Variants in SORCS2 observed in about 807,000 individuals in gnomAD.
The protein encoded by SORCS2 is sortilin related VPS10 domain containing receptor 2, also known as VPS10 domain-containing receptor SorCS2.
A neutral mutation model predicts 141.6 loss-of-function variants in SORCS2; 100 were observed. The ratio of observed to expected loss-of-function variants is 0.71; its 90% CI spans 0.60 to 0.83. The LOEUF (loss-of-function observed/expected upper bound fraction) is 0.83. SORCS2 is among the 40% of genes least tolerant of loss of function. SORCS2 has a pLI of 0.00. For missense variants in SORCS2, 1,646 were observed against 1,560.2 expected (o/e 1.05, Z -0.93); for synonymous variants, 789 against 676.9 (o/e 1.17, Z -2.57).
intron 1 of SORCS2, among the ~76,000 whole-genome samples, chr4:7,214,709 A>G (rs1454810113): frequency 2.0e-5 from 3 of 152,238 alleles, no homozygotes; most frequent in Non-Finnish European, 4.4e-5. Flanking sequence ...TTGTAGAGAC[A>G]GCACATTCCG....
intron 1 of SORCS2, among the ~76,000 whole-genome samples, chr4:7,299,792 A>G (rs1054837226): frequency 1.3e-5 from 2 of 152,098 alleles, no homozygotes; most frequent in African/African-American, 4.8e-5. Flanking sequence ...TGGGACTTCA[A>G]GCTCTGCAAC....
chr4:7,421,216 C>T (rs1726022858), intron 2 of SORCS2, among the ~76,000 whole-genome samples: 1 of 152,226 alleles, frequency 6.6e-6, no homozygotes, highest in African/African-American at 2.4e-5. Context: ...GGGGCACCCA[C>T]CTGGGTCATC....
At chr4:7,615,719 T>C (rs570246188) in intron 3 of SORCS2, among the ~76,000 whole-genome samples, 2 of 152,248 alleles carry the variant, frequency 1.3e-5, no homozygotes, top group Admixed American at 1.3e-4. Flanking sequence ...ACTAGGTGGC[T>C]CCTCTGTGCT....
At chr4:7,339,485 C>T (rs1371787735) in intron 1 of SORCS2, among the ~76,000 whole-genome samples, 1 of 152,216 alleles carries the variant, frequency 6.6e-6, no homozygotes, top group Admixed American at 6.5e-5. Flanking sequence ...GCAACTGTCC[C>T]AGGCTGCTCT....
intron 3 of SORCS2, among the ~76,000 whole-genome samples, chr4:7,533,159 G>A (rs966229921): frequency 6.6e-6 from 1 of 152,204 alleles, no homozygotes; most frequent in African/African-American, 2.4e-5. Context: ...ACACCTGGTG[G>A]TGCAGGGGGC....
intron 3 of SORCS2, among the ~76,000 whole-genome samples, chr4:7,626,556 T>C (rs936620017): frequency 6.6e-6 from 1 of 152,252 alleles, no homozygotes; most frequent in Non-Finnish European, 1.5e-5. Flanking sequence ...TTCCTACATA[T>C]GTACATCTCT....
chr4:7,657,896 G>C (rs1409125965), intron 5 of SORCS2, among the ~76,000 whole-genome samples: 1 of 152,080 alleles, frequency 6.6e-6, no homozygotes, highest in African/African-American at 2.4e-5. Context: ...ATGAGTGAGT[G>C]AGTGAATGAG....
At chr4:7,737,782 A>C (rs914015757) in intron 26 of SORCS2, among the ~76,000 whole-genome samples, 1 of 152,170 alleles carries the variant, frequency 6.6e-6, no homozygotes, top group Non-Finnish European at 1.5e-5. Context: ...CTGGGAGCTG[A>C]CTGGGCTCAG....
At chr4:7,312,560 T>G (rs1243566162) in intron 1 of SORCS2, among the ~76,000 whole-genome samples, 1 of 152,218 alleles carries the variant, frequency 6.6e-6, no homozygotes, top group African/African-American at 2.4e-5. Context: ...GTCTCTCAGT[T>G]TCTAGCCTGG....
In SORCS2 at chr4:7,201,785, C is replaced by T. The variant is rs1727495902; in HGVS notation, c.480+8659C>T. On this transcript the variant is annotated intron_variant, in intron 1 of 26. Coordinates refer to ENST00000507866, the MANE Select transcript of SORCS2 (RefSeq NM_020777.3). This position sits in a 1 kb window ranked among gnomAD's most constrained non-coding sequence, Gnocchi z 4.4. Reference sequence around the variant, plus strand: ...CCTTAGTCGCTAGTTTGGGTGGGTGCTCTGTGGATTGCAGGGATGCCGATG... The same window carrying T: ...CCTTAGTCGCTAGTTTGGGTGGGTGTTCTGTGGATTGCAGGGATGCCGATG... 1.3e-5 allele frequency among the ~76,000 whole-genome samples: 2 copies of T among 152,106 alleles called. No homozygotes were observed. Among genetic ancestry groups the T allele is most frequent in the African/African-American group, 4.8e-5 (2 of 41,402 alleles).
chr4:7,559,880 T>A (rs1714411151), intron 3 of SORCS2, among the ~76,000 whole-genome samples: 2 of 152,240 alleles, frequency 1.3e-5, no homozygotes, highest in African/African-American at 2.4e-5. Context: ...TTGGGAGGCA[T>A]GACCTGCATT....
intron 2 of SORCS2, among the ~76,000 whole-genome samples, chr4:7,460,548 G>A (rs754563682): frequency 6.6e-5 from 10 of 152,220 alleles, no homozygotes; most frequent in African/African-American, 9.6e-5. Flanking sequence ...CCCTCTGGCC[G>A]CTTAGACCCC....
In SORCS2 at chr4:7,393,661, C is replaced by T. The variant is rs62277564; in HGVS notation, c.481-2627C>T. Among the ~76,000 whole-genome samples the T allele has an allele frequency of 9.7e-3, 1,475 of 152,228 alleles. 13 individuals are homozygous for T. The highest frequency in any genetic ancestry group is 0.015 in the Non-Finnish European group (1,025 of 68,020). On this transcript the variant is annotated intron_variant, in intron 1 of 26. Coordinates refer to ENST00000507866, the MANE Select transcript of SORCS2 (RefSeq NM_020777.3). The stretch of plus-strand genomic sequence containing the variant: ...TGGGGGCATGGGGGCAGCACCTCTT[C>T]GGTATCCCTGGGGCATTGCGGGGGT...
chr4:7,682,937 G>C (rs1201736861), intron 10 of SORCS2, 48 bp downstream of exon 10: 2 of 1,584,560 alleles, frequency 1.3e-6, no homozygotes, highest in Non-Finnish European at 8.6e-7. Flanking sequence ...GTGGATGCTA[G>C]ATATAACTTC....
chr4:7,514,150 C>T (rs1301795893), intron 2 of SORCS2, among the ~76,000 whole-genome samples: 1 of 152,156 alleles, frequency 6.6e-6, no homozygotes, highest in African/African-American at 2.4e-5. Flanking sequence ...GCCGACAGCT[C>T]CATGGCATGA....
intron 7 of SORCS2, among the ~76,000 whole-genome samples, chr4:7,665,247 C>T (rs1722433491): frequency 6.6e-6 from 1 of 152,142 alleles, no homozygotes; most frequent in African/African-American, 2.4e-5. Flanking sequence ...CCCCAGCAGC[C>T]CACTCTACAC....
At chr4:7,301,447 A>G (rs552821624) in intron 1 of SORCS2, among the ~76,000 whole-genome samples, 1 of 152,322 alleles carries the variant, frequency 6.6e-6, no homozygotes, top group South Asian at 2.1e-4. Flanking sequence ...TCTCGGATCA[A>G]TATCACACAA....
intron 3 of SORCS2, among the ~76,000 whole-genome samples, chr4:7,593,190 C>G (rs1717030666): frequency 6.6e-6 from 1 of 152,142 alleles, no homozygotes; most frequent in Non-Finnish European, 1.5e-5. Flanking sequence ...ACAAAACCAA[C>G]AGGGTCAGGT....
At chr4:7,471,049 A>C (rs1032690700) in intron 2 of SORCS2, among the ~76,000 whole-genome samples, 14 of 152,242 alleles carry the variant, frequency 9.2e-5, no homozygotes, top group African/African-American at 3.4e-4. Flanking sequence ...CTGCCTGCGA[A>C]AACCCAAGGG....
Sources: gnomAD v4.1 joint callset for allele counts (sites outside exome capture counted in the v4.1 genomes callset) on GRCh38, gnomAD v4.1.1 for gene constraint, Gnocchi (gnomAD v3.1) non-coding constraint, MANE v1.5 for transcripts, NCBI Gene and HGNC (gene_info 2026-07-23, HGNC 2026-07-21) for gene names.